The following LIN52 variants were observed in gnomAD, a reference collection of about 807,000 sequenced individuals.
The protein encoded by LIN52 is protein lin-52 homolog.
A neutral mutation model predicts 18.5 loss-of-function variants in LIN52; 4 were observed. The observed-to-expected ratio is 0.22, with a 90% confidence interval of 0.11 to 0.49. The LOEUF is 0.49. Among genes scored for constraint, LIN52 ranks in the 20% least tolerant of loss-of-function variants. The probability of loss-of-function intolerance (pLI) is 0.97; values close to 1 mark genes in which losing one functional copy is unlikely to be tolerated. For synonymous variants in LIN52, 34 were observed against 45.5 expected (o/e 0.75, Z 1.02); for missense variants, 102 against 139.5 (o/e 0.73, Z 1.35).
chr14:74,107,723 A>G (rs1310235733), intron 5 of LIN52, among the ~76,000 whole-genome samples: 1 of 152,186 alleles, frequency 6.6e-6, no homozygotes, highest in Non-Finnish European at 1.5e-5. Context: ...TAGTCATGCA[A>G]ATGACCTACT....
chr14:74,088,753 C>T (rs540006591), intron 1 of LIN52, among the ~76,000 whole-genome samples: 1 of 152,172 alleles, frequency 6.6e-6, no homozygotes, highest in Admixed American at 6.6e-5. Flanking sequence ...TCCCAGATTT[C>T]CAGAGATGTG....
rs75855791 is a variant in LIN52, at chr14:74,099,586, T to G, written c.200-1569T>G. Among the ~76,000 whole-genome samples, 994 of 149,504 alleles carry G rather than the reference T, an allele frequency of 6.6e-3. 12 individuals are homozygous for G. Among genetic ancestry groups the G allele is most frequent in the African/African-American group, 0.023 (961 of 40,964 alleles). On this transcript the variant is annotated intron_variant, in intron 4 of 5. Transcript: ENST00000555028. ...GAAAGAACATTTTTAAGTATTGTCT[T>G]TGTGTGTGTGTGTGTGTGTGTGTAT...
chr14:74,134,941 C>T (rs2061089121), intron 5 of LIN52, among the ~76,000 whole-genome samples: 1 of 152,180 alleles, frequency 6.6e-6, no homozygotes, highest in Non-Finnish European at 1.5e-5. Context: ...GAAGTCCTTT[C>T]TAAGTAGATG....
intron 5 of LIN52, among the ~76,000 whole-genome samples, chr14:74,179,223 T>C (rs191099478): frequency 6.8e-4 from 103 of 152,334 alleles, no homozygotes; most frequent in African/African-American, 2.4e-3. Flanking sequence ...TGTTCTATAC[T>C]CATATAGGAT....
chr14:74,144,940 C>T (rs2061147601), intron 5 of LIN52, among the ~76,000 whole-genome samples: 1 of 151,988 alleles, frequency 6.6e-6, no homozygotes, highest in South Asian at 2.1e-4. Context: ...TGTACTAAGC[C>T]ACAAAAAAAG....
chr14:74,085,616 TC>T (rs1264911000), intron 1 of LIN52: 1 of 152,346 alleles, frequency 6.6e-6, no homozygotes, highest in East Asian at 1.9e-4. Flanking sequence ...CAACCTGTCT[TC>T]CATCTGCTTT....
chr14:74,151,859 A>T (rs1566861651), intron 5 of LIN52, among the ~76,000 whole-genome samples: 2 of 149,970 alleles, frequency 1.3e-5, no homozygotes, highest in African/African-American at 4.9e-5. Context: ...TTAACCTGCC[A>T]TTTTTTTTTT....
intron 5 of LIN52, among the ~76,000 whole-genome samples, chr14:74,103,919 G>A (rs1017326757): frequency 6.8e-6 from 1 of 147,518 alleles, no homozygotes; most frequent in African/African-American, 2.5e-5. Flanking sequence ...TTGAGACGGA[G>A]TCTCGCTCTG....
chr14:74,127,588 A>T (rs1411212444), intron 5 of LIN52, among the ~76,000 whole-genome samples: 3 of 152,218 alleles, frequency 2.0e-5, no homozygotes, highest in Admixed American at 6.5e-5. Context: ...CATGTAAAAA[A>T]TGGTTTGCAG....
intron 1 of LIN52, among the ~76,000 whole-genome samples, chr14:74,086,733 C>T (rs2060734763): frequency 6.6e-6 from 1 of 151,958 alleles, no homozygotes; most frequent in Non-Finnish European, 1.5e-5. Flanking sequence ...TGCGCTCTTG[C>T]AAAAATGTCC....
chr14:74,190,760 G>A (rs959960391), intron 5 of LIN52, among the ~76,000 whole-genome samples: 1 of 152,150 alleles, frequency 6.6e-6, no homozygotes, highest in East Asian at 1.9e-4. Flanking sequence ...ATATTTTAGA[G>A]AGAAGTAAGA....
intron 5 of LIN52, among the ~76,000 whole-genome samples, chr14:74,183,157 A>G (rs5024804): frequency 0.6 from 90,524 of 149,672 alleles, 28,371 homozygotes; most frequent in Admixed American, 0.69. Flanking sequence ...GAGTGCAGTG[A>G]CGCGATCTCA....
At chr14:74,140,626 G>A (rs1394389816) in intron 5 of LIN52, among the ~76,000 whole-genome samples, 1 of 152,184 alleles carries the variant, frequency 6.6e-6, no homozygotes, top group East Asian at 1.9e-4. Flanking sequence ...TGTCCGTCAC[G>A]AAAAGGGAAA....
rs1458428434 is a variant in LIN52 at position 74,179,629 on chromosome 14, C to G, written c.284-19293C>G. 2.7e-5 allele frequency among the ~76,000 whole-genome samples: 4 copies of G among 146,882 alleles called. No homozygotes were observed. The South Asian group carries it at 8.6e-4, about 32-fold the overall frequency. On this transcript the variant is annotated intron_variant, in intron 5 of 5. Coordinates refer to ENST00000555028, the MANE Select transcript of LIN52 (RefSeq NM_001024674.3). ...CAAGATCAGGCCACTGCACTCCAGC[C>G]TGGGTGACAGAGTGAGACTCCATCT...
chr14:74,199,343 G>T lies in LIN52; in HGVS notation c.*366G>T, dbSNP rs1480443063. 5.5e-6 allele frequency: 1 copy of T among 181,696 alleles called. No individual in the cohort carries two copies. The highest frequency in any genetic ancestry group is 1.1e-5 in the Non-Finnish European group (1 of 86,970). The allele number at this position is 181,696 out of a possible 1,614,324, so 11.3% of individuals were successfully genotyped here. A position where few individuals can be genotyped will look rare whatever the true frequency, so the allele number is the denominator to read the frequency against. On this transcript the variant is annotated 3_prime_UTR_variant, in exon 6 of 6. Transcript: ENST00000555028. Reference sequence around the variant, plus strand: ...TGATTTGACTCAGTCATGGCAGTCAGTTGTGACATGTTGATTGGATGGGTT... The same window carrying T: ...TGATTTGACTCAGTCATGGCAGTCATTTGTGACATGTTGATTGGATGGGTT...
At chr14:74,182,848 T>A (rs2061324222) in intron 5 of LIN52, among the ~76,000 whole-genome samples, 1 of 152,152 alleles carries the variant, frequency 6.6e-6, no homozygotes, top group East Asian at 1.9e-4. Flanking sequence ...CCCTCATAGT[T>A]GTTTTATGGG....
intron 5 of LIN52, among the ~76,000 whole-genome samples, chr14:74,134,535 T>G (rs1201758593): frequency 2.6e-5 from 4 of 152,212 alleles, no homozygotes; most frequent in African/African-American, 9.6e-5. Flanking sequence ...ATGGTAGATG[T>G]GAAAAATCCT....
At chr14:74,093,355 A>C (rs1595145263) in intron 2 of LIN52, among the ~76,000 whole-genome samples, 2 of 110,532 alleles carry the variant, frequency 1.8e-5, no homozygotes, top group South Asian at 2.7e-4. Context: ...ATGGAGTTTC[A>C]CTCTTGTTCC....
intron 5 of LIN52, among the ~76,000 whole-genome samples, chr14:74,169,369 GT>G (rs894055104): frequency 4.0e-4 from 61 of 152,086 alleles, no homozygotes; most frequent in African/African-American, 1.4e-3. Flanking sequence ...TCTCTTAAGA[GT>G]TACCTTCCTT....
Sources: allele counts gnomAD v4.1 joint callset (sites outside exome capture counted in the v4.1 genomes callset), GRCh38; gene constraint gnomAD v4.1.1; transcripts MANE v1.5; gene names NCBI Gene and HGNC (gene_info 2026-07-23, HGNC 2026-07-21).